The following C11orf58 variants were observed in gnomAD, a reference collection of about 807,000 sequenced individuals.
The protein encoded by C11orf58 is chromosome 11 open reading frame 58, also known as small acidic protein.
C11orf58 carries 5 observed loss-of-function variants against 22.7 expected under a neutral mutation model. The ratio of observed to expected loss-of-function variants is 0.22; its 90% CI spans 0.12 to 0.46. The LOEUF (loss-of-function observed/expected upper bound fraction) is 0.46. C11orf58 is among the 20% of genes least tolerant of loss of function. The probability of loss-of-function intolerance (pLI) is 0.99; values close to 1 mark genes in which losing one functional copy is unlikely to be tolerated. For missense variants in C11orf58, 151 were observed against 223.3 expected, an observed-to-expected ratio of 0.68 and a Z score of 2.06; for synonymous variants, 71 against 70.7, an observed-to-expected ratio of 1.00 and a Z score of -0.02.
Position 16,755,038 on chromosome 11 carries a change from T to G in C11orf58, c.486T>G (p.Asp162Glu). ...CTGAGCACCCTGATGAAGTGGAGGA[T>G]CCCAAAAACAAAAAAGATGCAAAAA... is the stretch of plus-strand genomic sequence containing the variant. The part of the protein sequence containing the change: ...QAAEHPDEVE[D>E]PKNKKDAKSN... Residue 162 changes from aspartate to glutamate, a missense_variant, in exon 5 of 5, where the codon GAT becomes GAG. Around this residue, in one of 3 missense-constraint regions of C11orf58, gnomAD observed 112 missense variants for 162.6 expected, o/e 0.69. Coordinates refer to ENST00000228136, the MANE Select transcript of C11orf58 (RefSeq NM_014267.6). 1 of 1,614,022 alleles carries G rather than the reference T, an allele frequency of 6.2e-7. No individual in the cohort carries two copies. Among genetic ancestry groups the G allele is most frequent in the Non-Finnish European group, 8.5e-7 (1 of 1,180,002 alleles).
intron 1 of C11orf58, among the ~76,000 whole-genome samples, chr11:16,740,275 T>C (rs943406885): frequency 6.6e-6 from 1 of 152,224 alleles, no homozygotes; most frequent in Non-Finnish European, 1.5e-5. Context: ...CCAGGTGATA[T>C]GAAATTTAAC....
In C11orf58 at chr11:16,758,321, T is replaced by G. The variant is rs1226490913; in HGVS notation, c.*3217T>G. On this transcript the variant is annotated 3_prime_UTR_variant, in exon 5 of 5. Transcript: ENST00000228136. ...CACCAAATGTATAAATCCGTATTAG[T>G]AAAAATTGGTTTTAACTGACCTCAG... Among the ~76,000 whole-genome samples, 1 of 152,214 alleles carries G rather than the reference T, an allele frequency of 6.6e-6. No individual in the cohort carries two copies. Among genetic ancestry groups the G allele is most frequent in the Non-Finnish European group, 1.5e-5 (1 of 68,040 alleles).
At chr11:16,746,438 A>G (rs1027360801) in intron 2 of C11orf58, among the ~76,000 whole-genome samples, 1 of 152,204 alleles carries the variant, frequency 6.6e-6, no homozygotes, top group African/African-American at 2.4e-5. Flanking sequence ...TAACACTGAT[A>G]AGGAGGAAAA....
In C11orf58 at chr11:16,755,279, A is replaced by G. The variant is rs1848567691; in HGVS notation, c.*175A>G. ...GGGTTACACTTTTATGGGCATGACT[A>G]TAACCATTTTTGTAAAGAGTAAGAG... On this transcript the variant is annotated 3_prime_UTR_variant, in exon 5 of 5. Coordinates refer to ENST00000228136, the MANE Select transcript of C11orf58 (RefSeq NM_014267.6). The G allele has an allele frequency of 1.8e-5, 12 of 682,094 alleles. No homozygotes were observed. The highest frequency in any genetic ancestry group is 3.2e-4 in the Middle Eastern group (1 of 3,092). The allele number at this position is 682,094 out of a possible 1,614,324, so 42.3% of individuals were successfully genotyped here.
At position 16,752,825 on chromosome 11, in the gene C11orf58, A is replaced by G. The variant is rs532499578; in HGVS notation, c.249A>G (p.Gln83=). 58 of 1,613,394 alleles carry G rather than the reference A, an allele frequency of 3.6e-5. No homozygotes were observed. Among genetic ancestry groups the G allele is most frequent in the Middle Eastern group, 1.7e-4 (1 of 6,056 alleles). ...AAATTAATGAAGAACTGGAGTCTCA[A>G]TATCAGCAAAGTATGGACAGTAAAT... ...DKKINEELES[Q]YQQSMDSKLS... Residue 83 remains glutamine (Q), a synonymous_variant, in exon 4 of 5, where the codon CAA becomes CAG. Transcript: ENST00000228136.
chr11:16,757,445 C>G lies in C11orf58; in HGVS notation c.*2341C>G, dbSNP rs1363809689. On this transcript the variant is annotated 3_prime_UTR_variant, in exon 5 of 5. Transcript: ENST00000228136. ...TTTCAATTAATTCATTTATTGGGTG[C>G]TAACAAAATTCAGGGTTAGAGTAAA... Among the ~76,000 whole-genome samples, 8 of 152,148 alleles carry G rather than the reference C, an allele frequency of 5.3e-5. No individual in the cohort carries two copies. The highest frequency in any genetic ancestry group is 1.2e-4 in the Non-Finnish European group (8 of 68,030).
intron 2 of C11orf58, among the ~76,000 whole-genome samples, chr11:16,744,940 G>A (rs1197665735): frequency 6.6e-6 from 1 of 152,174 alleles, no homozygotes; most frequent in Middle Eastern, 3.2e-3. Context: ...CTGTATAGGA[G>A]AAAAGAGATG....
intron 1 of C11orf58, among the ~76,000 whole-genome samples, chr11:16,740,143 T>C (rs555175902): frequency 2.0e-5 from 3 of 152,230 alleles, no homozygotes; most frequent in African/African-American, 7.2e-5. Context: ...TCCACACTTT[T>C]GAGTAACCTG....
chr11:16,755,781 G>T lies in C11orf58; in HGVS notation c.*677G>T, dbSNP rs1848572000. ...CCAATTTTTACAGAAGAAATTCTCTGATCATTTAGTTCTGTCTATTTAGAA... is the reference window on the plus strand; with the variant it reads ...CCAATTTTTACAGAAGAAATTCTCTTATCATTTAGTTCTGTCTATTTAGAA... On this transcript the variant is annotated 3_prime_UTR_variant, in exon 5 of 5. Coordinates refer to ENST00000228136, the MANE Select transcript of C11orf58 (RefSeq NM_014267.6). 6.6e-6 allele frequency: 1 copy of T among 152,576 alleles called. No homozygotes were observed. Among genetic ancestry groups the T allele is most frequent in the Admixed American group, 6.5e-5 (1 of 15,282 alleles). The allele number at this position is 152,576 out of a possible 1,614,324, so 9.5% of individuals were successfully genotyped here. A position where few individuals can be genotyped will look rare whatever the true frequency, so the allele number is the denominator to read the frequency against.
chr11:16,739,122 C>T (rs1489825805), intron 1 of C11orf58, among the ~76,000 whole-genome samples: 1 of 152,048 alleles, frequency 6.6e-6, no homozygotes, highest in Non-Finnish European at 1.5e-5. Flanking sequence ...CAAGGGATTT[C>T]GTACGTGCGT....
In C11orf58 at chr11:16,755,146, G is replaced by A; in HGVS notation, c.*42G>A. 6.2e-7 allele frequency: 1 copy of A among 1,600,140 alleles called. No individual in the cohort carries two copies. The highest frequency in any genetic ancestry group is 1.7e-5 in the Admixed American group (1 of 59,118). On this transcript the variant is annotated 3_prime_UTR_variant, in exon 5 of 5. Coordinates refer to ENST00000228136, the MANE Select transcript of C11orf58 (RefSeq NM_014267.6). ...CTTTGTATTAAAAGTAAGCCTTATT[G>A]TTACAATGCACAGTGGAGGACTGCT...
intron 4 of C11orf58, among the ~76,000 whole-genome samples, chr11:16,753,700 T>C (rs756926528): frequency 2.6e-5 from 4 of 152,028 alleles, no homozygotes; most frequent in African/African-American, 4.8e-5. Context: ...AAGTGTGTTT[T>C]CTGAAAGTGA....
chr11:16,743,214 C>A (rs1213326169), intron 1 of C11orf58, among the ~76,000 whole-genome samples: 1 of 152,172 alleles, frequency 6.6e-6, no homozygotes, highest in African/African-American at 2.4e-5. Flanking sequence ...GTGTACACAT[C>A]TGCCTTCACC....
chr11:16,747,533 T>A (rs1042168301), intron 2 of C11orf58: 1 of 151,832 alleles, frequency 6.6e-6, no homozygotes, highest in South Asian at 2.1e-4. Flanking sequence ...CAGGATTGTT[T>A]TAAATTGTTC....
intron 1 of C11orf58, among the ~76,000 whole-genome samples, chr11:16,741,326 TGAG>T (rs1346776696): frequency 6.6e-6 from 1 of 152,156 alleles, no homozygotes. Flanking sequence ...GGTTATGTAT[TGAG>T]GAGGTAAATT....
chr11:16,740,587 A>AT, intron 1 of C11orf58, among the ~76,000 whole-genome samples: 1 of 151,716 alleles, frequency 6.6e-6, no homozygotes, highest in East Asian at 1.9e-4. Context: ...CACCCGACTA[A>AT]TTTTTTGTAT....
intron 1 of C11orf58, among the ~76,000 whole-genome samples, chr11:16,743,089 T>G (rs1369586851): frequency 6.6e-6 from 1 of 152,262 alleles, no homozygotes; most frequent in African/African-American, 2.4e-5. Context: ...CTTACAATTT[T>G]GTAATTGTCA....
chr11:16,748,594 A>G (rs1848506638), intron 3 of C11orf58: 1 of 152,122 alleles, frequency 6.6e-6, no homozygotes, highest in African/African-American at 2.4e-5. Flanking sequence ...AAAAAAAAAA[A>G]ATTAGCCTGG....
intron 3 of C11orf58, 142 bp from the exon 4 acceptor site, chr11:16,752,643 T>G: frequency 2.1e-6 from 1 of 471,924 alleles, no homozygotes; most frequent in Non-Finnish European, 3.7e-6. Context: ...GGTAACCACC[T>G]ATGGCATAAA....
Sources: gnomAD v4.1 joint callset for allele counts (sites outside exome capture counted in the v4.1 genomes callset) on GRCh38, gnomAD v4.1.1 for gene constraint, gnomAD v4.1.1 regional missense constraint, MANE v1.5 for transcripts, NCBI Gene and HGNC (gene_info 2026-07-23, HGNC 2026-07-21) for gene names.